AQR: variants seen among roughly 807,000 people sequenced by gnomAD.
The protein encoded by AQR is RNA helicase aquarius.
In AQR, 61 loss-of-function variants were observed where a neutral mutation model predicts 180.5. The ratio of observed to expected loss-of-function variants is 0.34; its 90% CI spans 0.28 to 0.42. The LOEUF (loss-of-function observed/expected upper bound fraction) is 0.42, where lower values mean the gene tolerates loss of function less well. AQR is among the 10% of genes least tolerant of loss of function. The probability of loss-of-function intolerance (pLI) is 1.00; values close to 1 mark genes in which losing one functional copy is unlikely to be tolerated. For synonymous variants in AQR, 551 were observed against 588.8 expected (o/e 0.94, Z 0.93); for missense variants, 1,281 against 1,798.3 (o/e 0.71, Z 5.20).
chr15:34,948,971 C>T (rs1442981718), intron 4 of AQR, among the ~76,000 whole-genome samples: 6 of 151,820 alleles, frequency 4.0e-5, no homozygotes, highest in Admixed American at 1.3e-4. Context: ...ACCAAACCAC[C>T]GGATATTCCC....
At position 34,941,955 on chromosome 15, in the gene AQR, A is replaced by T. The variant is rs973669252; in HGVS notation, c.540+57T>A. ...ATCCAGATTAAGGCTATAGACTAAA[A>T]CCACACGTTCTACTTATAACACATA... On this transcript the variant is annotated intron_variant, in intron 7 of 34. Coordinates refer to ENST00000156471, the MANE Select transcript of AQR (RefSeq NM_014691.3). 3 of 1,380,186 alleles carry T rather than the reference A, an allele frequency of 2.2e-6. No homozygotes were observed. In the African/African-American group the frequency reaches 4.3e-5, roughly 20 times the overall value. The allele number at this position is 1,380,186 out of a possible 1,614,324, so 85.5% of individuals were successfully genotyped here. A position where few individuals can be genotyped will look rare whatever the true frequency, so the allele number is the denominator to read the frequency against.
rs1339329785 is a variant in AQR at position 34,932,432 on chromosome 15, G to A, written c.786C>T (p.Ala262=). The A allele has an allele frequency of 1.1e-5, 18 of 1,581,048 alleles. No individual in the cohort carries two copies. The highest frequency in any genetic ancestry group is 1.5e-5 in the Non-Finnish European group (18 of 1,167,900). The change falls in exon 11 of 35, where the codon GCC becomes GCT. Residue 262 remains alanine (A), a splice_region_variant and synonymous_variant. Coordinates refer to ENST00000156471, the MANE Select transcript of AQR (RefSeq NM_014691.3). ...TAAACCAGCGCCTTGTGGGTAGCAG[G>A]GCCTGGGAAAAACAAACATCATAAC... ...RFIELMIDLE[A]LLPTRRWFNT... is the part of the protein sequence containing the mutation.
chr15:34,930,356 T>A lies in AQR; in HGVS notation c.916A>T (p.Lys306Ter). ...TTAATTTCAAAACCAGTATAGAATT[T>A]AAGCATGTCCAAAAGCTGAAGAAAC... ...HLFSQLLDML[K>*]FYTGFEINDQ... Residue 306 changes from lysine to a stop codon, truncating the protein, a stop_gained, in exon 12 of 35, where the codon AAA becomes TAA. Transcript: ENST00000156471. LOFTEE classifies it high-confidence loss of function. The A allele has an allele frequency of 6.2e-7, 1 of 1,602,216 alleles. No homozygotes were observed.
At chr15:34,924,359 AT>A (rs1893725382) in intron 13 of AQR, among the ~76,000 whole-genome samples, 1 of 152,010 alleles carries the variant, frequency 6.6e-6, no homozygotes, top group South Asian at 2.1e-4. Context: ...TTAATGGTGC[AT>A]TTTTTTCATT....
At chr15:34,943,178 G>A in intron 6 of AQR, 2 of 1,610,814 alleles carry the variant, frequency 1.2e-6, no homozygotes, top group South Asian at 1.1e-5. Context: ...AGGATTCTCT[G>A]TATGCCCAGG....
intron 25 of AQR, among the ~76,000 whole-genome samples, chr15:34,885,491 T>G (rs930496337): frequency 1.3e-5 from 2 of 152,188 alleles, no homozygotes; most frequent in Admixed American, 6.5e-5. Context: ...GCTAGGGAAT[T>G]TAACTCGTAA....
chr15:34,936,641 A>C (rs969295978), intron 9 of AQR, among the ~76,000 whole-genome samples: 5 of 152,012 alleles, frequency 3.3e-5, no homozygotes, highest in Non-Finnish European at 7.4e-5. Context: ...ACTTGGACCC[A>C]GGAGGCAGAA....
At chr15:34,914,626 G>A (rs1893553461) in intron 16 of AQR, among the ~76,000 whole-genome samples, 1 of 152,294 alleles carries the variant, frequency 6.6e-6, no homozygotes, top group South Asian at 2.1e-4. Context: ...AGTGACAAGA[G>A]TAGGTGGATT....
intron 11 of AQR, among the ~76,000 whole-genome samples, chr15:34,930,833 TTTTTTTTTTTTTTTTTG>T (rs1437568668): frequency 9.0e-4 from 33 of 36,588 alleles, no homozygotes; most frequent in African/African-American, 2.1e-3. Flanking sequence ...TTTTTTTTTT[TTTTTTTTTTTTTTTTTG>T]GTCTGAGACG....
intron 22 of AQR, among the ~76,000 whole-genome samples, chr15:34,896,523 C>A (rs1174979675): frequency 1.4e-5 from 2 of 147,240 alleles, no homozygotes; most frequent in African/African-American, 5.1e-5. Flanking sequence ...CTGTTACTTA[C>A]TTCTAGTCTT....
intron 4 of AQR, among the ~76,000 whole-genome samples, chr15:34,950,542 A>G (rs1407801631): frequency 1.3e-5 from 2 of 151,826 alleles, no homozygotes; most frequent in African/African-American, 4.8e-5. Flanking sequence ...TTTTATCTCC[A>G]TTTCCCTCCC....
At chr15:34,917,565 T>C (rs1377660648) in intron 15 of AQR, among the ~76,000 whole-genome samples, 1 of 152,134 alleles carries the variant, frequency 6.6e-6, no homozygotes, top group African/African-American at 2.4e-5. Flanking sequence ...GATCATTACC[T>C]GCTTTACATA....
At chr15:34,924,636 C>T (rs1275701104) in intron 13 of AQR, among the ~76,000 whole-genome samples, 5 of 151,674 alleles carry the variant, frequency 3.3e-5, no homozygotes, top group Admixed American at 2.0e-4. Flanking sequence ...TCACCATGTT[C>T]GCCAGGCTGG....
chr15:34,950,447 C>A (rs2140502864), intron 4 of AQR, among the ~76,000 whole-genome samples: 1 of 152,212 alleles, frequency 6.6e-6, no homozygotes, highest in African/African-American at 2.4e-5. Flanking sequence ...TCCCTCAGAT[C>A]TATTTTCTAG....
chr15:34,890,090 T>A (rs1322902016), intron 24 of AQR, 125 bp downstream of exon 24: 2 of 763,724 alleles, frequency 2.6e-6, no homozygotes, highest in Non-Finnish European at 4.1e-6. Context: ...ATAGTCTTAG[T>A]AAGTTAAGTT....
At chr15:34,940,799 C>T (rs1194154833) in intron 8 of AQR, 100 bp downstream of exon 8, 21 of 850,196 alleles carry the variant, frequency 2.5e-5, no homozygotes, top group Non-Finnish European at 4.0e-5. Flanking sequence ...TTTATTTGCA[C>T]TCAGCACTAT....
At chr15:34,875,315 C>A (rs1175720171) in intron 28 of AQR, among the ~76,000 whole-genome samples, 2 of 152,202 alleles carry the variant, frequency 1.3e-5, no homozygotes, top group Non-Finnish European at 2.9e-5. Context: ...ACTACTACTT[C>A]AATTTCCTAC....
rs749048254 is a variant in AQR, at chr15:34,862,886, G to C, written c.4010C>G (p.Pro1337Arg). The C allele has an allele frequency of 1.6e-5, 26 of 1,613,560 alleles. No homozygotes were observed. The South Asian group carries it at 2.6e-4, about 16-fold the overall frequency. Residue 1337 changes from proline to arginine, a missense_variant, in exon 33 of 35, where the codon CCT becomes CGT. Coordinates refer to ENST00000156471, the MANE Select transcript of AQR (RefSeq NM_014691.3). ...TCCTACCTTTCTAGTAGTTGGGAAA[G>C]GTTCTGTTGGAATTATATGCAAATG... ...PLHLHIIPTEPFPTTRKNGER... is the reference protein window; with the variant it reads ...PLHLHIIPTERFPTTRKNGER...
rs1595777454 is a variant in AQR, at chr15:34,856,628, T to A, written c.*164A>T. ...ATGAAACTAGAATTGTTCATACACA[T>A]AATTTAAAAAAATATATTCAAGACA... On this transcript the variant is annotated 3_prime_UTR_variant, in exon 35 of 35. Transcript: ENST00000156471. 1.8e-6 allele frequency: 1 copy of A among 551,248 alleles called. No homozygotes were observed. Among genetic ancestry groups the A allele is most frequent in the East Asian group, 3.0e-5 (1 of 33,060 alleles). 34.1% of individuals were successfully genotyped at this position (551,248 alleles called of 1,614,324 possible).
Sources: allele counts gnomAD v4.1 joint callset (sites outside exome capture counted in the v4.1 genomes callset), GRCh38; gene constraint gnomAD v4.1.1; transcripts MANE v1.5; gene names NCBI Gene and HGNC (gene_info 2026-07-23, HGNC 2026-07-21).